MACROD2: variants seen among roughly 807,000 people sequenced by gnomAD.
MACROD2 encodes mono-ADP ribosylhydrolase 2.
A neutral mutation model predicts 70.4 loss-of-function variants in MACROD2; 36 were observed. That is an observed-to-expected ratio of 0.51 (90% CI 0.39 to 0.68). The LOEUF is 0.68. Ranked by LOEUF, MACROD2 falls within the 30% of genes least tolerant of loss-of-function variation. The probability of loss-of-function intolerance (pLI) is 0.00; values close to 1 mark genes in which losing one functional copy is unlikely to be tolerated. For missense variants in MACROD2, 496 were observed against 538.4 expected (o/e 0.92, Z 0.78); for synonymous variants, 172 against 178.8 (o/e 0.96, Z 0.30).
chr20:14,571,348 C>G (rs1241578813), intron 4 of MACROD2, among the ~76,000 whole-genome samples: 2 of 152,002 alleles, frequency 1.3e-5, no homozygotes, highest in Non-Finnish European at 2.9e-5. Context: ...AATTGTACTG[C>G]TTAGCCAGTA....
At chr20:15,554,190 G>C (rs2048135304) in intron 8 of MACROD2, among the ~76,000 whole-genome samples, 1 of 152,196 alleles carries the variant, frequency 6.6e-6, no homozygotes, top group South Asian at 2.1e-4. Flanking sequence ...GAGAGAGACA[G>C]TGCTAATATT....
At chr20:15,672,659 C>T (rs900863390) in intron 8 of MACROD2, among the ~76,000 whole-genome samples, 18 of 152,148 alleles carry the variant, frequency 1.2e-4, no homozygotes, top group African/African-American at 4.1e-4. Context: ...GGCAAACTCT[C>T]AAGCCAAAGC....
At chr20:14,358,678 G>A (rs1021665830) in intron 3 of MACROD2, among the ~76,000 whole-genome samples, 3 of 151,842 alleles carry the variant, frequency 2.0e-5, no homozygotes, top group African/African-American at 4.8e-5. Context: ...GGATGGTCTC[G>A]ATTTCTTGAC....
At chr20:14,270,543 C>T (rs370539897) in intron 3 of MACROD2, among the ~76,000 whole-genome samples, 11 of 147,234 alleles carry the variant, frequency 7.5e-5, no homozygotes, top group Admixed American at 4.2e-4. Flanking sequence ...GAGCCAAGAT[C>T]GTGCCACAGC....
intron 5 of MACROD2, among the ~76,000 whole-genome samples, chr20:15,015,431 G>C (rs778468992): frequency 5.3e-5 from 8 of 149,830 alleles, no homozygotes; most frequent in Non-Finnish European, 8.9e-5. Context: ...CAGAAGTCTG[G>C]TTGTTAATTT....
chr20:14,981,223 A>G (rs1379765341), intron 5 of MACROD2, among the ~76,000 whole-genome samples: 2 of 151,914 alleles, frequency 1.3e-5, no homozygotes, highest in African/African-American at 2.4e-5. Context: ...TCCTTTATTC[A>G]CTTCCTTAGC....
At chr20:14,947,114 G>A (rs1434258372) in intron 5 of MACROD2, among the ~76,000 whole-genome samples, 1 of 152,116 alleles carries the variant, frequency 6.6e-6, no homozygotes, top group Non-Finnish European at 1.5e-5. Context: ...CTGAGAATAC[G>A]GCATATCTTA....
intron 6 of MACROD2, among the ~76,000 whole-genome samples, chr20:15,233,831 A>AATATGACC (rs1404176370): frequency 2.0e-5 from 3 of 150,594 alleles, no homozygotes; most frequent in Non-Finnish European, 3.0e-5. Flanking sequence ...CAATTGAAAA[A>AATATGACC]ATATGACCAA....
intron 8 of MACROD2, among the ~76,000 whole-genome samples, chr20:15,630,645 A>C (rs1228899293): frequency 6.6e-6 from 1 of 152,242 alleles, no homozygotes; most frequent in East Asian, 1.9e-4. Context: ...TGGAGAATAA[A>C]TTCTGCAAGT....
intron 3 of MACROD2, among the ~76,000 whole-genome samples, chr20:14,228,180 G>T (rs112136580): frequency 0.13 from 18,068 of 142,446 alleles, 1,889 homozygotes; most frequent in African/African-American, 0.28. Context: ...TATAGAGAGA[G>T]AGAGAGAGAG....
chr20:15,354,893 T>TA (rs1192463580), intron 6 of MACROD2, among the ~76,000 whole-genome samples: 2 of 152,318 alleles, frequency 1.3e-5, no homozygotes, highest in Non-Finnish European at 2.9e-5. Context: ...TACATAGTAA[T>TA]ATGTACTAGT....
At chr20:14,159,913 T>C (rs1476896007) in intron 3 of MACROD2, among the ~76,000 whole-genome samples, 5 of 152,194 alleles carry the variant, frequency 3.3e-5, no homozygotes, top group Admixed American at 6.5e-5. Flanking sequence ...CCTAGTTTGC[T>C]GAGAATTTTT....
intron 3 of MACROD2, among the ~76,000 whole-genome samples, chr20:14,144,190 T>C (rs1164309884): frequency 1.3e-5 from 2 of 152,168 alleles, no homozygotes; most frequent in Admixed American, 6.6e-5. Context: ...TATAAAGACA[T>C]ATTTTTTTCT....
chr20:15,654,841 C>T (rs1248389922), intron 8 of MACROD2, among the ~76,000 whole-genome samples: 1 of 152,214 alleles, frequency 6.6e-6, no homozygotes, highest in Non-Finnish European at 1.5e-5. Flanking sequence ...AAATACCAAG[C>T]AGTCCTTGCT....
intron 3 of MACROD2, among the ~76,000 whole-genome samples, chr20:14,345,504 T>G (rs949528242): frequency 2.6e-5 from 4 of 152,018 alleles, no homozygotes; most frequent in Non-Finnish European, 5.9e-5. Context: ...GTTATTTTTA[T>G]TTGAAGGTTT....
chr20:15,089,384 A>G (rs890156035), intron 5 of MACROD2, among the ~76,000 whole-genome samples: 9 of 152,124 alleles, frequency 5.9e-5, no homozygotes, highest in African/African-American at 2.2e-4. Flanking sequence ...TGAGCAATTG[A>G]TGGTTGCCTT....
chr20:15,415,519 A>G (rs2046134863), intron 6 of MACROD2, among the ~76,000 whole-genome samples: 1 of 152,254 alleles, frequency 6.6e-6, no homozygotes, highest in Non-Finnish European at 1.5e-5. Context: ...TTAAAGGAAT[A>G]TAACACTTGG....
At chr20:14,654,545 C>CAAA (rs202212319) in intron 4 of MACROD2, among the ~76,000 whole-genome samples, 6 of 83,764 alleles carry the variant, frequency 7.2e-5, no homozygotes, top group African/African-American at 2.8e-4. Context: ...GACTCCATCT[C>CAAA]AAAAAAAAAA....
At chr20:15,890,161 C>T (rs533870162) in intron 10 of MACROD2, among the ~76,000 whole-genome samples, 1 of 152,222 alleles carries the variant, frequency 6.6e-6, no homozygotes, top group South Asian at 2.1e-4. Flanking sequence ...TGCTCTACAA[C>T]TTTTTCAAAA....
Sources: gnomAD v4.1 joint callset for allele counts (sites outside exome capture counted in the v4.1 genomes callset) on GRCh38, gnomAD v4.1.1 for gene constraint, MANE v1.5 for transcripts, NCBI Gene and HGNC (gene_info 2026-07-23, HGNC 2026-07-21) for gene names.